The following PPP6R2 variants were observed in gnomAD, a reference collection of about 807,000 sequenced individuals.
PPP6R2 encodes serine/threonine-protein phosphatase 6 regulatory subunit 2.
Under a neutral mutation model 100.2 loss-of-function variants are expected in PPP6R2, and 62 were observed. The observed-to-expected ratio is 0.62, with a 90% CI of 0.50 to 0.76. PPP6R2 has a LOEUF of 0.76. Ranked by LOEUF, PPP6R2 falls within the 30% of genes least tolerant of loss-of-function variation. The pLI, the probability that PPP6R2 is intolerant of heterozygous loss-of-function variation, is 0.00. For missense variants in PPP6R2, 1,142 were observed against 1,276.3 expected, an observed-to-expected ratio of 0.89 and a Z score of 1.60; for synonymous variants, 525 against 514.7, an observed-to-expected ratio of 1.02 and a Z score of -0.27.
intron 2 of PPP6R2, among the ~76,000 whole-genome samples, chr22:50,379,958 G>A (rs1023246071): frequency 2.0e-5 from 3 of 152,106 alleles, no homozygotes; most frequent in Non-Finnish European, 1.5e-5. Flanking sequence ...CATGAAAATA[G>A]TAACAAATAA....
At position 50,414,533 on chromosome 22, in the gene PPP6R2, C is replaced by T; in HGVS notation, c.415-19C>T. Reference sequence around the variant, plus strand: ...GTCAGGGTCGGCCCCGCCTGCCTCTCAGGTGTGTGTGATTTCAGGTGATTA... The same window carrying T: ...GTCAGGGTCGGCCCCGCCTGCCTCTTAGGTGTGTGTGATTTCAGGTGATTA... On this transcript the variant is annotated intron_variant, in intron 4 of 23. Transcript: ENST00000612753. The T allele has an allele frequency of 6.2e-7, 1 of 1,613,424 alleles. No individual in the cohort carries two copies.
chr22:50,349,377 A>AC (rs1392000880), intron 1 of PPP6R2, among the ~76,000 whole-genome samples: 1 of 149,728 alleles, frequency 6.7e-6, no homozygotes, highest in Non-Finnish European at 1.5e-5. Flanking sequence ...AAAAAAAAAA[A>AC]AAAAAAACGG....
At chr22:50,427,966 C>T (rs2062484374) in intron 10 of PPP6R2, among the ~76,000 whole-genome samples, 1 of 152,232 alleles carries the variant, frequency 6.6e-6, no homozygotes, top group South Asian at 2.1e-4. Context: ...GTGATCCGCC[C>T]ACCTTGGCCT....
At chr22:50,337,981 G>A in the PPP6R2 span, among the ~76,000 whole-genome samples, 1 of 143,398 alleles carries the variant, frequency 7.0e-6, no homozygotes, top group Non-Finnish European at 1.5e-5. Context: ...TGTGTGCTGT[G>A]TAGGGTGTGT....
chr22:50,366,770 T>C (rs1015035923), intron 1 of PPP6R2, among the ~76,000 whole-genome samples: 2 of 152,178 alleles, frequency 1.3e-5, no homozygotes, highest in African/African-American at 4.8e-5. Flanking sequence ...TCGAGCTACC[T>C]TGGACTGCCT....
chr22:50,339,202 ATGTGGTGTGTGTGTAGGGTG>A (rs1569218711), upstream of PPP6R2, among the ~76,000 whole-genome samples: 2 of 74,012 alleles, frequency 2.7e-5, no homozygotes, highest in African/African-American at 1.1e-4. Flanking sequence ...TGTGTGTTGT[ATGTGGTGTGTGTGTAGGGTG>A]TGTGGTGTGT....
chr22:50,436,461 G>A lies in PPP6R2; in HGVS notation c.1602+9G>A. On this transcript the variant is annotated intron_variant, in intron 14 of 23. Coordinates refer to ENST00000612753, the MANE Select transcript of PPP6R2 (RefSeq NM_001242898.2). ...GGAACACTGTGGACCTGGTGAGGAG[G>A]CTCGGGGCTGCCCCCTCGGTGCACG... 6.3e-7 allele frequency: 1 copy of A among 1,578,114 alleles called. No homozygotes were observed. The highest frequency in any genetic ancestry group is 8.6e-7 in the Non-Finnish European group (1 of 1,162,716).
intron 8 of PPP6R2, among the ~76,000 whole-genome samples, chr22:50,421,628 G>C (rs913786637): frequency 6.6e-5 from 10 of 152,054 alleles, no homozygotes; most frequent in Admixed American, 2.0e-4. Context: ...AACACCACAG[G>C]GGGTAGGCGC....
intron 1 of PPP6R2, among the ~76,000 whole-genome samples, chr22:50,357,377 C>G (rs28645281): frequency 0.23 from 34,299 of 151,580 alleles, 5,916 homozygotes; most frequent in African/African-American, 0.48. Context: ...TTTTCTCTTT[C>G]TCTTTCATCT....
chr22:50,425,736 C>T (rs1020528832), intron 10 of PPP6R2, among the ~76,000 whole-genome samples: 2 of 151,346 alleles, frequency 1.3e-5, no homozygotes, highest in Admixed American at 6.9e-5. Flanking sequence ...GGCTGATGCT[C>T]GTCATCTGAT....
Position 50,437,492 on chromosome 22 carries a change from T to A in PPP6R2, c.1684-14T>A. ...CGGTGTCTGTCCGTCCCTCCCTCCC[T>A]CCCTCCCTCCCAGGCCTTCTCTGAC... On this transcript the variant is annotated splice_polypyrimidine_tract_variant and intron_variant, in intron 15 of 23. Coordinates refer to ENST00000612753, the MANE Select transcript of PPP6R2 (RefSeq NM_001242898.2). 3.8e-5 allele frequency: 12 copies of A among 315,194 alleles called. No homozygotes were observed. Among genetic ancestry groups the A allele is most frequent in the Non-Finnish European group, 6.4e-5 (10 of 156,858 alleles). 19.5% of individuals were successfully genotyped at this position (315,194 alleles called of 1,614,324 possible).
intron 10 of PPP6R2, among the ~76,000 whole-genome samples, chr22:50,424,773 G>A (rs56304814): frequency 2.0e-5 from 3 of 151,830 alleles, no homozygotes; most frequent in Non-Finnish European, 4.4e-5. Context: ...GAGTAGCTGA[G>A]ATTACAGGCA....
intron 2 of PPP6R2, among the ~76,000 whole-genome samples, chr22:50,382,304 G>C (rs1269992092): frequency 6.6e-6 from 1 of 151,806 alleles, no homozygotes; most frequent in African/African-American, 2.4e-5. Context: ...CAATTGTCTG[G>C]ATAAAAAAGT....
rs1195469509 is a variant in PPP6R2 at position 50,351,026 on chromosome 22, GTTTTTT to G, written c.-148+7502_-148+7507del. 2.1e-4 allele frequency among the ~76,000 whole-genome samples: 17 copies of G among 80,742 alleles called. No individual in the cohort carries two copies. In the East Asian group the frequency reaches 2.3e-3, roughly 11 times the overall value. The allele number at this position is 80,742 out of a possible 152,430, so 53.0% of individuals were successfully genotyped here. The stretch of plus-strand genomic sequence containing the variant: ...TTTCTGAGCAGTAGGTCTCAACAGT[GTTTTTT>G]TTTTTTTTTTTTTTTTTTTTTTTTT... On this transcript the variant is annotated intron_variant, in intron 1 of 23. Transcript: ENST00000612753.
intron 2 of PPP6R2, among the ~76,000 whole-genome samples, chr22:50,382,973 G>GATTAC (rs1312184036): frequency 6.6e-6 from 1 of 151,898 alleles, no homozygotes; most frequent in Non-Finnish European, 1.5e-5. Flanking sequence ...GAGTAGCTGT[G>GATTAC]ATTACAGGGA....
In PPP6R2 at chr22:50,416,115, C is replaced by A. The variant is rs1485035580; in HGVS notation, c.576C>A (p.Ile192=). The change falls in exon 6 of 24, where the codon ATC becomes ATA. Residue 192 remains isoleucine (I), a synonymous_variant. Transcript: ENST00000612753. ...AGTGGCTGAATGAAGAGAAGGTCAT[C>A]CAGAGGCTTGTGGAGTTGATCCACC... is the stretch of plus-strand genomic sequence containing the variant. ...VLHWLNEEKV[I]QRLVELIHPS... The A allele has an allele frequency of 4.3e-6, 7 of 1,613,756 alleles. No homozygotes were observed. The highest frequency in any genetic ancestry group is 5.1e-6 in the Non-Finnish European group (6 of 1,179,752).
At chr22:50,406,612 A>G in intron 3 of PPP6R2, 77 bp from the exon 4 acceptor site, 2 of 1,396,102 alleles carry the variant, frequency 1.4e-6, no homozygotes, top group South Asian at 2.4e-5. Context: ...CTTCCTAAGA[A>G]GCAGACTATG....
upstream of PPP6R2, among the ~76,000 whole-genome samples, chr22:50,342,803 G>A (rs1252320799): frequency 6.6e-6 from 1 of 152,176 alleles, no homozygotes; most frequent in Non-Finnish European, 1.5e-5. Flanking sequence ...AAAACTGTCT[G>A]GAGGCGGCTC....
chr22:50,424,161 C>T lies in PPP6R2; in HGVS notation c.1125+547C>T, dbSNP rs879229960. ...TGGCTGTGGGTGGCGGGCTCCTCTGCGGAGAGCATGAGGCTGCTCCCCTGA... is the reference window on the plus strand; with the variant it reads ...TGGCTGTGGGTGGCGGGCTCCTCTGTGGAGAGCATGAGGCTGCTCCCCTGA... On this transcript the variant is annotated intron_variant, in intron 10 of 23. Transcript: ENST00000612753. Among the ~76,000 whole-genome samples, 4 of 152,278 alleles carry T rather than the reference C, an allele frequency of 2.6e-5. No individual in the cohort carries two copies. The South Asian group carries it at 6.2e-4, about 24-fold the overall frequency.
Sources: allele counts gnomAD v4.1 joint callset (sites outside exome capture counted in the v4.1 genomes callset), GRCh38; gene constraint gnomAD v4.1.1; transcripts MANE v1.5; gene names NCBI Gene and HGNC (gene_info 2026-07-23, HGNC 2026-07-21).